Variants in CACNG2 observed in about 807,000 individuals in gnomAD.
The protein encoded by CACNG2 is calcium voltage-gated channel auxiliary subunit gamma 2.
Under a neutral mutation model 25.9 loss-of-function variants are expected in CACNG2, and 3 were observed. The observed-to-expected ratio is 0.12, with a 90% confidence interval of 0.05 to 0.30. The LOEUF is 0.30. CACNG2 is among the 10% of genes least tolerant of loss of function. CACNG2 has a pLI of 1.00. For synonymous variants in CACNG2, 167 were observed against 173.3 expected (o/e 0.96, Z 0.29); for missense variants, 341 against 432.5 (o/e 0.79, Z 1.88).
At chr22:36,571,043 C>A (rs1002440877) in intron 2 of CACNG2, among the ~76,000 whole-genome samples, 2 of 152,132 alleles carry the variant, frequency 1.3e-5, no homozygotes, top group Non-Finnish European at 2.9e-5. Context: ...CTGCTCTGAG[C>A]CTCAGTTTCC....
rs138027050 is a variant in CACNG2 at position 36,697,742 on chromosome 22, A to G, written c.211+4624T>C. Among the ~76,000 whole-genome samples the G allele has an allele frequency of 2.2e-3, 329 of 152,258 alleles. 1 individual carries two copies. The highest frequency in any genetic ancestry group is 7.5e-3 in the African/African-American group (310 of 41,550). ...AGGGAAAGTTGTCAGGGTTCTTTGAATTGGATGGGAGGTTTGTGAAAGAGT... is the reference window on the plus strand; with the variant it reads ...AGGGAAAGTTGTCAGGGTTCTTTGAGTTGGATGGGAGGTTTGTGAAAGAGT... On this transcript the variant is annotated intron_variant, in intron 1 of 3. Transcript: ENST00000300105.
chr22:36,586,385 G>A (rs1935502534), intron 2 of CACNG2, among the ~76,000 whole-genome samples: 1 of 152,212 alleles, frequency 6.6e-6, no homozygotes, highest in Non-Finnish European at 1.5e-5. Flanking sequence ...AGGAAATGAA[G>A]AGCAGGGTAT....
At chr22:36,632,319 G>T (rs1377350846) in intron 1 of CACNG2, among the ~76,000 whole-genome samples, 1 of 152,106 alleles carries the variant, frequency 6.6e-6, no homozygotes, top group Non-Finnish European at 1.5e-5. Flanking sequence ...ACACGTAGGA[G>T]CTGCGTGATC....
At chr22:36,696,550 C>T (rs1360230211) in intron 1 of CACNG2, among the ~76,000 whole-genome samples, 1 of 152,204 alleles carries the variant, frequency 6.6e-6, no homozygotes, top group South Asian at 2.1e-4. Context: ...GGTAGATTGA[C>T]TTCTTGCACT....
intron 1 of CACNG2, among the ~76,000 whole-genome samples, chr22:36,588,576 T>C (rs1245353571): frequency 6.6e-6 from 1 of 152,190 alleles, no homozygotes; most frequent in Non-Finnish European, 1.5e-5. Flanking sequence ...GGAAGAAAGA[T>C]TGGGTGTATG....
At chr22:36,686,325 T>C (rs1054810364) in intron 1 of CACNG2, among the ~76,000 whole-genome samples, 3 of 152,086 alleles carry the variant, frequency 2.0e-5, no homozygotes, top group African/African-American at 7.2e-5. Context: ...ACAGAGCAAG[T>C]CCAGAAGAAG....
chr22:36,642,851 A>G (rs1254112653), intron 1 of CACNG2, among the ~76,000 whole-genome samples: 2 of 152,234 alleles, frequency 1.3e-5, no homozygotes, highest in Non-Finnish European at 1.5e-5. Context: ...ACCATAGCAA[A>G]TTTAAGTAAA....
chr22:36,636,678 T>C (rs1193348081), intron 1 of CACNG2, among the ~76,000 whole-genome samples: 1 of 152,114 alleles, frequency 6.6e-6, no homozygotes, highest in East Asian at 1.9e-4. Flanking sequence ...TTCTCGTTTA[T>C]TTAACAAGTC....
rs531256593 is a variant in CACNG2, at chr22:36,669,135, A to G, written c.211+33231T>C. On this transcript the variant is annotated intron_variant, in intron 1 of 3. Transcript: ENST00000300105. ...TAACCATCACACCACCCACCCTAGAATGCCTGCCTGCGTCAGTTCTGTATC... is the reference window on the plus strand; with the variant it reads ...TAACCATCACACCACCCACCCTAGAGTGCCTGCCTGCGTCAGTTCTGTATC... Among the ~76,000 whole-genome samples the G allele has an allele frequency of 4.6e-5, 7 of 152,146 alleles. No homozygotes were observed. In the East Asian group the frequency reaches 1.2e-3, roughly 25 times the overall value.
chr22:36,672,559 T>C (rs375788881), intron 1 of CACNG2, among the ~76,000 whole-genome samples: 1 of 152,156 alleles, frequency 6.6e-6, no homozygotes, highest in African/African-American at 2.4e-5. Context: ...ACAGCTACTC[T>C]AATGAGCTGG....
rs554537172 is a variant in CACNG2 at position 36,656,630 on chromosome 22, C to T, written c.211+45736G>A. Reference sequence around the variant, plus strand: ...CAAAGTCCTCCAACAGCTCCCACGACGCTCAGAGCAAAAGCTGCTCTGGCC... The same window carrying T: ...CAAAGTCCTCCAACAGCTCCCACGATGCTCAGAGCAAAAGCTGCTCTGGCC... On this transcript the variant is annotated intron_variant, in intron 1 of 3. Coordinates refer to ENST00000300105, the MANE Select transcript of CACNG2 (RefSeq NM_006078.5). 3.3e-5 allele frequency among the ~76,000 whole-genome samples: 5 copies of T among 152,328 alleles called. No individual in the cohort carries two copies. In the South Asian group the frequency reaches 6.2e-4, roughly 19 times the overall value.
Position 36,574,901 on chromosome 22 carries a change from A to G in CACNG2, c.296-8408T>C, listed in dbSNP as rs1229208684. Among the ~76,000 whole-genome samples the G allele has an allele frequency of 6.6e-5, 10 of 152,226 alleles. No homozygotes were observed. In the East Asian group the frequency reaches 1.7e-3, roughly 26 times the overall value. On this transcript the variant is annotated intron_variant, in intron 2 of 3. Transcript: ENST00000300105. ...TGAGATGCCTTGGGGATGTGCATGT[A>G]GAGTGTGGGTGGGGCAGTTGGGTGT...
intron 1 of CACNG2, among the ~76,000 whole-genome samples, chr22:36,673,632 C>T (rs925949750): frequency 1.5e-4 from 23 of 151,680 alleles, no homozygotes; most frequent in Non-Finnish European, 3.2e-4. Flanking sequence ...TGGCAGGGAA[C>T]GAGCGATGGG....
chr22:36,629,040 TG>T (rs1936228305), intron 1 of CACNG2, among the ~76,000 whole-genome samples: 1 of 151,874 alleles, frequency 6.6e-6, no homozygotes, highest in African/African-American at 2.4e-5. Context: ...AGAAATACAA[TG>T]TTGAGGGAGG....
chr22:36,690,050 T>C (rs1490174246), intron 1 of CACNG2, among the ~76,000 whole-genome samples: 2 of 152,272 alleles, frequency 1.3e-5, no homozygotes, highest in Non-Finnish European at 2.9e-5. Context: ...CCTCTGTCTC[T>C]GTGAGCTGCT....
intron 2 of CACNG2, among the ~76,000 whole-genome samples, chr22:36,579,396 C>A: frequency 1.1e-5 from 1 of 92,626 alleles, no homozygotes. Flanking sequence ...AAAAGTGAAA[C>A]TCTGTCTCAA....
chr22:36,593,833 G>A (rs1024888178), intron 1 of CACNG2, among the ~76,000 whole-genome samples: 1 of 152,138 alleles, frequency 6.6e-6, no homozygotes, highest in South Asian at 2.1e-4. Context: ...CTTGGAGCTC[G>A]GTGGGCCCTG....
At chr22:36,595,875 C>T (rs1019082151) in intron 1 of CACNG2, among the ~76,000 whole-genome samples, 6 of 152,222 alleles carry the variant, frequency 3.9e-5, no homozygotes, top group African/African-American at 9.7e-5. Context: ...AGGGCTGTGC[C>T]GTGGGCTGGC....
chr22:36,638,621 C>T (rs1056641113), intron 1 of CACNG2, among the ~76,000 whole-genome samples: 5 of 152,182 alleles, frequency 3.3e-5, no homozygotes, highest in Non-Finnish European at 2.9e-5. Flanking sequence ...TCTAACCACA[C>T]TCCTCTCTTT....
Sources: gnomAD v4.1 joint callset for allele counts (sites outside exome capture counted in the v4.1 genomes callset) on GRCh38, gnomAD v4.1.1 for gene constraint, MANE v1.5 for transcripts, NCBI Gene and HGNC (gene_info 2026-07-23, HGNC 2026-07-21) for gene names.